The following ELAPOR2 variants were observed in gnomAD, a reference collection of about 807,000 sequenced individuals.
ELAPOR2 encodes the protein endosome/lysosome-associated apoptosis and autophagy regulator family member 2.
A neutral mutation model predicts 120.7 loss-of-function variants in ELAPOR2; 89 were observed. The ratio of observed to expected loss-of-function variants is 0.74; its 90% confidence interval spans 0.62 to 0.88. ELAPOR2 has a LOEUF of 0.88. Ranked by LOEUF, ELAPOR2 falls within the 40% of genes least tolerant of loss-of-function variation. The probability of loss-of-function intolerance (pLI) is 0.00; values close to 1 mark genes in which losing one functional copy is unlikely to be tolerated. For missense variants in ELAPOR2, 1,134 were observed against 1,251.6 expected (o/e 0.91, Z 1.42); for synonymous variants, 444 against 444.9 (o/e 1.00, Z 0.03).
At chr7:86,938,062 T>C in intron 8 of ELAPOR2, 64 bp downstream of exon 8, 1 of 1,183,612 alleles carries the variant, frequency 8.4e-7, no homozygotes, top group East Asian at 2.6e-5. Flanking sequence ...CAAATTAGAG[T>C]CTGCTCAAAT....
chr7:86,894,210 A>T (rs1253415346), intron 19 of ELAPOR2, among the ~76,000 whole-genome samples: 2 of 152,100 alleles, frequency 1.3e-5, no homozygotes, highest in East Asian at 3.9e-4. Flanking sequence ...GATATTAGTG[A>T]CTGGATTTTT....
intron 21 of ELAPOR2, among the ~76,000 whole-genome samples, chr7:86,882,643 A>G (rs1247620116): frequency 6.6e-6 from 1 of 152,126 alleles, no homozygotes; most frequent in African/African-American, 2.4e-5. Flanking sequence ...TATCTCATTC[A>G]TTGTTTAATT....
chr7:86,959,892 T>C (rs1239339510), intron 2 of ELAPOR2, among the ~76,000 whole-genome samples: 2 of 152,244 alleles, frequency 1.3e-5, no homozygotes, highest in Non-Finnish European at 2.9e-5. Context: ...AAATAAGTTT[T>C]AGTATTTTTT....
intron 8 of ELAPOR2, among the ~76,000 whole-genome samples, chr7:86,931,318 T>C (rs1790314417): frequency 1.3e-5 from 2 of 152,056 alleles, no homozygotes; most frequent in African/African-American, 4.8e-5. Flanking sequence ...ACACTACCGT[T>C]ACTGTCTCAT....
At chr7:86,950,611 TC>T (rs1791205259) in intron 2 of ELAPOR2, among the ~76,000 whole-genome samples, 2 of 151,996 alleles carry the variant, frequency 1.3e-5, no homozygotes, top group Non-Finnish European at 2.9e-5. Context: ...CTGGAGTTGC[TC>T]CCCCCACCGC....
Position 86,996,332 on chromosome 7 carries a change from G to A in ELAPOR2, c.190-31308C>T, listed in dbSNP as rs537846913. Among the ~76,000 whole-genome samples, 17 of 152,062 alleles carry A rather than the reference G, an allele frequency of 1.1e-4. No individual in the cohort carries two copies. In the South Asian group the frequency reaches 3.5e-3, roughly 32 times the overall value. ...GAGCTGTCAGCATAGAGGAGAAATG[G>A]ACCAACAGGAGGAGAAGCCAGCCAC... On this transcript the variant is annotated intron_variant, in intron 1 of 21. Transcript: ENST00000450689.
intron 1 of ELAPOR2, among the ~76,000 whole-genome samples, chr7:86,967,420 A>G (rs1270114342): frequency 6.6e-6 from 1 of 152,000 alleles, no homozygotes; most frequent in Non-Finnish European, 1.5e-5. Flanking sequence ...GAACCACTGT[A>G]CTCCATCCAG....
rs372786371 is a variant in ELAPOR2, at chr7:86,938,223, T to C, written c.1001-9A>G. The C allele has an allele frequency of 5.8e-6, 9 of 1,541,354 alleles. No homozygotes were observed. Among genetic ancestry groups the C allele is most frequent in the African/African-American group, 2.8e-5 (2 of 72,422 alleles). ...CTCACTGGATCCTTCCTCTGCAACA[T>C]AAAAAAAGCGTTTCAGAAATGGGTC... is the stretch of plus-strand genomic sequence containing the variant. On this transcript the variant is annotated splice_polypyrimidine_tract_variant and intron_variant, in intron 7 of 21. Transcript: ENST00000450689.
chr7:87,019,888 G>A (rs1027966157), intron 1 of ELAPOR2, among the ~76,000 whole-genome samples: 1 of 151,734 alleles, frequency 6.6e-6, no homozygotes, highest in Non-Finnish European at 1.5e-5. Context: ...ACTTGATATT[G>A]GTAAAATAAA....
chr7:86,926,389 T>A (rs1790068327), intron 9 of ELAPOR2, among the ~76,000 whole-genome samples: 1 of 151,980 alleles, frequency 6.6e-6, no homozygotes, highest in Admixed American at 6.6e-5. Context: ...AGCCAGATAT[T>A]ATCCACCATC....
intron 1 of ELAPOR2, among the ~76,000 whole-genome samples, chr7:87,055,214 C>G (rs1194113444): frequency 2.6e-5 from 4 of 152,200 alleles, no homozygotes; most frequent in Non-Finnish European, 4.4e-5. Flanking sequence ...ACAGAACAAG[C>G]TCCTTATCCC....
Position 86,918,240 on chromosome 7 carries a change from C to G in ELAPOR2, c.1593+202G>C, listed in dbSNP as rs148434318. Among the ~76,000 whole-genome samples, 929 of 142,506 alleles carry G rather than the reference C, an allele frequency of 6.5e-3. 11 individuals carry two copies. The highest frequency in any genetic ancestry group is 6.4e-3 in the Non-Finnish European group (423 of 66,476). The allele number at this position is 142,506 out of a possible 152,430, so 93.5% of individuals were successfully genotyped here. A position where few individuals can be genotyped will look rare whatever the true frequency, so the allele number is the denominator to read the frequency against. On this transcript the variant is annotated intron_variant, in intron 12 of 21. Coordinates refer to ENST00000450689, the MANE Select transcript of ELAPOR2 (RefSeq NM_001142749.3). ...CTTAGTCTTTCCCATGAGGAATAAA[C>G]ACTTTATTTGTGGACTTCATTGCAC...
chr7:86,948,461 G>A (rs1332677694), intron 2 of ELAPOR2, among the ~76,000 whole-genome samples: 1 of 152,042 alleles, frequency 6.6e-6, no homozygotes, highest in East Asian at 1.9e-4. Context: ...CATTATTTTT[G>A]GATTCCTAGC....
chr7:87,030,581 C>T (rs985757136), intron 1 of ELAPOR2, among the ~76,000 whole-genome samples: 1 of 152,162 alleles, frequency 6.6e-6, no homozygotes, highest in Non-Finnish European at 1.5e-5. Context: ...ATGGTTTCTC[C>T]ATACATTATG....
At chr7:86,987,194 T>C (rs1356674284) in intron 1 of ELAPOR2, among the ~76,000 whole-genome samples, 1 of 152,140 alleles carries the variant, frequency 6.6e-6, no homozygotes, top group Non-Finnish European at 1.5e-5. Context: ...CAAAAATTAA[T>C]TCAAGATGGA....
chr7:86,906,389 A>C (rs2116019108), intron 18 of ELAPOR2, among the ~76,000 whole-genome samples: 1 of 152,262 alleles, frequency 6.6e-6, no homozygotes. Context: ...GGTAAAAAGA[A>C]TAATTAAATC....
intron 21 of ELAPOR2, among the ~76,000 whole-genome samples, chr7:86,886,790 G>A (rs867901452): frequency 3.9e-4 from 59 of 152,074 alleles, no homozygotes; most frequent in African/African-American, 1.3e-3. Context: ...CCTACTCCAC[G>A]GCTCAAAACA....
At chr7:86,968,480 C>T (rs888058085) in intron 1 of ELAPOR2, among the ~76,000 whole-genome samples, 6 of 152,030 alleles carry the variant, frequency 3.9e-5, no homozygotes, top group African/African-American at 9.7e-5. Flanking sequence ...GGTAAATATC[C>T]AGAGGGTAAT....
At chr7:86,947,643 T>C in intron 3 of ELAPOR2, 84 bp downstream of exon 3, 2 of 1,195,684 alleles carry the variant, frequency 1.7e-6, no homozygotes, top group Non-Finnish European at 2.3e-6. Context: ...GTACCAAGAT[T>C]ATCCTCATCT....
Sources: gnomAD v4.1 joint callset for allele counts (sites outside exome capture counted in the v4.1 genomes callset) on GRCh38, gnomAD v4.1.1 for gene constraint, MANE v1.5 for transcripts, NCBI Gene and HGNC (gene_info 2026-07-23, HGNC 2026-07-21) for gene names.